Variants in DOCK7 observed in about 807,000 individuals in gnomAD.
DOCK7 encodes dedicator of cytokinesis protein 7.
DOCK7 carries 138 observed loss-of-function variants against 271.0 expected under a neutral mutation model. That is an observed-to-expected ratio of 0.51 (90% CI 0.44 to 0.59). The LOEUF (loss-of-function observed/expected upper bound fraction) is 0.59. Ranked by LOEUF, DOCK7 falls within the 20% of genes least tolerant of loss-of-function variation. DOCK7 has a pLI of 0.00. For missense variants in DOCK7, 2,066 were observed against 2,592.4 expected (o/e 0.80, Z 4.41); for synonymous variants, 823 against 876.1 (o/e 0.94, Z 1.07).
At chr1:62,656,360 G>C (rs562648933) in intron 2 of DOCK7, among the ~76,000 whole-genome samples, 72 of 152,234 alleles carry the variant, frequency 4.7e-4, no homozygotes, top group South Asian at 2.7e-3. Context: ...TTAAGAAAAT[G>C]ATGAACAAGC....
Position 62,539,634 on chromosome 1 carries a change from T to G in DOCK7, c.3211A>C (p.Asn1071His). The stretch of plus-strand genomic sequence containing the variant: ...TTGAGAAAGAATGCAAGGCTTGTAT[T>G]GAGTCTCTCAACCATTTCTGTGTCC... ...QKDTEMVERL[N>H]TSLAFFLNDL... The change falls in exon 27 of 50, where the codon AAT becomes CAT. Residue 1071 changes from asparagine (N) to histidine (H), a missense_variant. By Grantham distance (68) the Asn-to-His change is moderately conservative. Transcript: ENST00000635253. The G allele has an allele frequency of 6.2e-7, 1 of 1,613,890 alleles. No homozygotes were observed.
At chr1:62,548,665 C>A (rs1007475599) in intron 22 of DOCK7, among the ~76,000 whole-genome samples, 2 of 152,182 alleles carry the variant, frequency 1.3e-5, no homozygotes, top group African/African-American at 4.8e-5. Flanking sequence ...AGGTGATCCA[C>A]CTGCCTCAGC....
intron 48 of DOCK7, among the ~76,000 whole-genome samples, chr1:62,464,876 GA>G (rs1000451454): frequency 2.0e-5 from 3 of 152,024 alleles, no homozygotes; most frequent in Non-Finnish European, 4.4e-5. Context: ...GGAGATTTGC[GA>G]AAAGACTTGA....
intron 31 of DOCK7, among the ~76,000 whole-genome samples, chr1:62,527,012 T>C (rs759724631): frequency 6.6e-6 from 1 of 152,186 alleles, no homozygotes; most frequent in Non-Finnish European, 1.5e-5. Flanking sequence ...TCCGTAAATA[T>C]ACTAAAAACC....
chr1:62,507,098 C>T (rs1269263552), intron 35 of DOCK7, among the ~76,000 whole-genome samples: 3 of 151,814 alleles, frequency 2.0e-5, no homozygotes, highest in African/African-American at 7.3e-5. Flanking sequence ...CATGAGCCAC[C>T]GTGCCCAGCC....
At chr1:62,611,010 G>A (rs748979589) in intron 14 of DOCK7, among the ~76,000 whole-genome samples, 10 of 152,108 alleles carry the variant, frequency 6.6e-5, no homozygotes, top group Non-Finnish European at 1.3e-4. Flanking sequence ...GGTATTTCTA[G>A]TTCTAGTTCC....
chr1:62,637,989 G>A lies in DOCK7; in HGVS notation c.819-1386C>T, dbSNP rs577040924. On this transcript the variant is annotated intron_variant, in intron 7 of 49. Coordinates refer to ENST00000635253, the MANE Select transcript of DOCK7 (RefSeq NM_001367561.1). ...AATGAAAAGAGATCTTGGTGATCCT[G>A]TCCACGTGTCAACCTCTACAAAACC... 4.6e-5 allele frequency among the ~76,000 whole-genome samples: 7 copies of A among 152,244 alleles called. No homozygotes were observed. In the South Asian group the frequency reaches 1.5e-3, roughly 32 times the overall value.
intron 39 of DOCK7, 40 bp downstream of exon 39, chr1:62,495,541 G>C: frequency 7.5e-7 from 1 of 1,326,974 alleles, no homozygotes; most frequent in Non-Finnish European, 1.0e-6. Context: ...GTCTTACTAA[G>C]TCCCTTATAC....
At chr1:62,541,788 A>T (rs760423053) in intron 25 of DOCK7, among the ~76,000 whole-genome samples, 17 of 152,172 alleles carry the variant, frequency 1.1e-4, no homozygotes, top group Non-Finnish European at 2.9e-5. Flanking sequence ...AAGTTGTTCA[A>T]GGGTCAACTG....
intron 2 of DOCK7, among the ~76,000 whole-genome samples, chr1:62,661,052 T>C (rs1336059037): frequency 6.6e-6 from 1 of 150,522 alleles, no homozygotes; most frequent in African/African-American, 2.5e-5. Flanking sequence ...TGAGCTATGA[T>C]GGTACCATGG....
chr1:62,496,524 T>TA (rs1646626699), intron 37 of DOCK7, 27 bp from the exon 38 acceptor site: 1 of 1,581,596 alleles, frequency 6.3e-7, no homozygotes, highest in Admixed American at 1.9e-5. Context: ...GTCCAGTCAA[T>TA]ACTTAATATA....
chr1:62,621,693 TG>T (rs1482762777), intron 12 of DOCK7, among the ~76,000 whole-genome samples: 1 of 152,216 alleles, frequency 6.6e-6, no homozygotes, highest in Admixed American at 6.5e-5. Flanking sequence ...TATTGAGTTA[TG>T]GTTAGAAAAT....
At chr1:62,473,940 C>T in intron 48 of DOCK7, 42 bp downstream of exon 48, 4 of 1,522,962 alleles carry the variant, frequency 2.6e-6, no homozygotes, top group Non-Finnish European at 2.7e-6. Flanking sequence ...TGGTATTGGA[C>T]AGTCTCAATT....
intron 7 of DOCK7, among the ~76,000 whole-genome samples, chr1:62,643,438 A>G (rs982211788): frequency 5.9e-5 from 9 of 152,252 alleles, no homozygotes; most frequent in African/African-American, 2.2e-4. Context: ...AACACTGAAG[A>G]TAACACTCAA....
At chr1:62,595,629 C>T (rs1300824713) in intron 14 of DOCK7, among the ~76,000 whole-genome samples, 2 of 152,094 alleles carry the variant, frequency 1.3e-5, no homozygotes, top group Non-Finnish European at 2.9e-5. Flanking sequence ...AGAGGCATTT[C>T]TAAGAATAGA....
At chr1:62,498,076 C>CG (rs1414157587) in intron 37 of DOCK7, among the ~76,000 whole-genome samples, 1 of 112,456 alleles carries the variant, frequency 8.9e-6, no homozygotes, top group Non-Finnish European at 2.0e-5. Flanking sequence ...GGCATGTCTA[C>CG]GAAATTTTTT....
intron 37 of DOCK7, among the ~76,000 whole-genome samples, chr1:62,503,435 T>C (rs542582738): frequency 6.6e-6 from 1 of 151,198 alleles, no homozygotes; most frequent in Non-Finnish European, 1.5e-5. Flanking sequence ...AAAATTAACA[T>C]AAACAATTTT....
At chr1:62,598,058 T>TA (rs1231834747) in intron 14 of DOCK7, 2 of 1,580,408 alleles carry the variant, frequency 1.3e-6, no homozygotes, top group African/African-American at 2.7e-5. Flanking sequence ...TAACTTCACT[T>TA]AAAGTAAGTA....
intron 41 of DOCK7, among the ~76,000 whole-genome samples, chr1:62,489,885 T>C (rs1646408722): frequency 6.6e-6 from 1 of 152,072 alleles, no homozygotes; most frequent in South Asian, 2.1e-4. Flanking sequence ...ACGAAGGCAA[T>C]CTCCTATTGT....
Sources: gnomAD v4.1 joint callset for allele counts (sites outside exome capture counted in the v4.1 genomes callset) on GRCh38, gnomAD v4.1.1 for gene constraint, MANE v1.5 for transcripts, NCBI Gene and HGNC (gene_info 2026-07-23, HGNC 2026-07-21) for gene names.